TENM4: variants seen among roughly 807,000 people sequenced by gnomAD.
The protein encoded by TENM4 is teneurin transmembrane protein 4, also known as teneurin-4.
Under a neutral mutation model 243.3 loss-of-function variants are expected in TENM4, and 82 were observed. That is an observed-to-expected ratio of 0.34 (90% CI 0.28 to 0.40). The LOEUF (loss-of-function observed/expected upper bound fraction) is 0.40, where lower values mean the gene tolerates loss of function less well. TENM4 is among the 10% of genes least tolerant of loss of function. The probability of loss-of-function intolerance (pLI) is 1.00; values close to 1 mark genes in which losing one functional copy is unlikely to be tolerated. For missense variants in TENM4, 3,138 were observed against 3,673.3 expected, an observed-to-expected ratio of 0.85 and a Z score of 3.77; for synonymous variants, 1,412 against 1,456.3, an observed-to-expected ratio of 0.97 and a Z score of 0.69.
chr11:79,135,738 A>G (rs1591307027), intron 4 of TENM4, among the ~76,000 whole-genome samples: 1 of 137,924 alleles, frequency 7.3e-6, no homozygotes, highest in East Asian at 2.4e-4. Flanking sequence ...TATGATATAT[A>G]CATCATATAT....
At position 78,670,023 on chromosome 11, in the gene TENM4, A is replaced by T; in HGVS notation, c.6322T>A (p.Tyr2108Asn). The change falls in exon 32 of 34, where the codon TAT (tyrosine) becomes AAT (asparagine). Residue 2108 changes from tyrosine to asparagine, a missense_variant. By Grantham distance (143) the Tyr-to-Asn change is moderately radical (BLOSUM62 -2). This residue lies in a region of TENM4 where 2,467 missense variants were observed against 3,059.1 expected (regional missense o/e 0.81). Transcript: ENST00000278550. ...TTGCCTGACACATCATCATAGCGAT[A>T]GAGATCAATGGGCAGTGGGGTCTCG... ...INETPLPIDL[Y>N]RYDDVSGKTE... 1 of 1,613,956 alleles carries T rather than the reference A, an allele frequency of 6.2e-7. No homozygotes were observed. Among genetic ancestry groups the T allele is most frequent in the Non-Finnish European group, 8.5e-7 (1 of 1,179,866 alleles).
At chr11:79,053,217 A>C (rs146929231) in intron 6 of TENM4, among the ~76,000 whole-genome samples, 1 of 152,188 alleles carries the variant, frequency 6.6e-6, no homozygotes, top group South Asian at 2.1e-4. Flanking sequence ...TGACAAGTTC[A>C]TGGTTAGTTA....
intron 19 of TENM4, chr11:78,756,433 G>T (rs1402023712): frequency 8.4e-6 from 2 of 236,846 alleles, no homozygotes; most frequent in Admixed American, 5.2e-5. Context: ...AAGTCTTCTG[G>T]ATGTCTGCTT....
chr11:79,398,701 G>A (rs2135552177), intron 1 of TENM4, among the ~76,000 whole-genome samples: 1 of 143,482 alleles, frequency 7.0e-6, no homozygotes, highest in Admixed American at 7.1e-5. Context: ...TATATTTTGA[G>A]TACCTGGCCC....
intron 6 of TENM4, among the ~76,000 whole-genome samples, chr11:79,012,869 G>C (rs1391024555): frequency 6.6e-6 from 1 of 152,110 alleles, no homozygotes; most frequent in African/African-American, 2.4e-5. Context: ...CAGAAGGTGT[G>C]ATTGTTCTCA....
intron 1 of TENM4, among the ~76,000 whole-genome samples, chr11:79,425,988 G>A (rs1018436058): frequency 3.3e-5 from 5 of 152,168 alleles, no homozygotes; most frequent in African/African-American, 1.2e-4. Context: ...GCCAAAATGT[G>A]GGGGTCTTTC....
Position 78,722,626 on chromosome 11 carries a change from G to A in TENM4, c.3800+42C>T, listed in dbSNP as rs780183096. ...TGGCGGGGCCCAAAGGATGGCAAAG[G>A]CATATTATTAGGAACTATGAAGAAA... is the stretch of plus-strand genomic sequence containing the variant. On this transcript the variant is annotated intron_variant, in intron 24 of 33. Coordinates refer to ENST00000278550, the MANE Select transcript of TENM4 (RefSeq NM_001098816.3). The A allele has an allele frequency of 1.1e-5, 18 of 1,591,614 alleles. No individual in the cohort carries two copies. In the South Asian group the frequency reaches 1.8e-4, roughly 16 times the overall value.
At chr11:78,901,315 T>C (rs902894392) in intron 7 of TENM4, among the ~76,000 whole-genome samples, 1 of 152,214 alleles carries the variant, frequency 6.6e-6, no homozygotes, top group Non-Finnish European at 1.5e-5. Context: ...GCTTATTTCA[T>C]TGTCTAGCTG....
chr11:78,735,566 T>C (rs1422176640), intron 20 of TENM4, among the ~76,000 whole-genome samples: 1 of 152,152 alleles, frequency 6.6e-6, no homozygotes, highest in Non-Finnish European at 1.5e-5. Context: ...CTAGGCCCGC[T>C]CCTCTGGAGG....
chr11:78,754,550 C>T (rs1010623953), intron 19 of TENM4, among the ~76,000 whole-genome samples: 5 of 151,714 alleles, frequency 3.3e-5, no homozygotes, highest in South Asian at 2.1e-4. Context: ...TAATGGGCCC[C>T]GTAAAGAATG....
chr11:79,298,240 T>C (rs535182365), intron 1 of TENM4, among the ~76,000 whole-genome samples: 1 of 152,268 alleles, frequency 6.6e-6, no homozygotes, highest in Non-Finnish European at 1.5e-5. Context: ...TAGGTTCAGT[T>C]ACCTCATATG....
At chr11:78,756,726 C>CA in intron 19 of TENM4, 79 bp downstream of exon 19, 1 of 1,372,716 alleles carries the variant, frequency 7.3e-7, no homozygotes, top group Non-Finnish European at 1.0e-6. Context: ...CTCCCACCCC[C>CA]ATTCATCCAA....
intron 3 of TENM4, among the ~76,000 whole-genome samples, chr11:79,152,107 C>G: frequency 6.6e-6 from 1 of 152,156 alleles, no homozygotes; most frequent in South Asian, 2.1e-4. Context: ...CTCCACTCCT[C>G]AAAATTGAGG....
intron 1 of TENM4, among the ~76,000 whole-genome samples, chr11:79,354,938 T>A (rs1469326562): frequency 6.6e-6 from 1 of 152,244 alleles, no homozygotes; most frequent in Non-Finnish European, 1.5e-5. Context: ...TGATTTTATT[T>A]GATGTTGTGA....
intron 6 of TENM4, among the ~76,000 whole-genome samples, chr11:78,977,424 G>C (rs1014342964): frequency 6.6e-6 from 1 of 152,172 alleles, no homozygotes; most frequent in South Asian, 2.1e-4. Context: ...CACTATAAAA[G>C]TCCCCTTTTA....
chr11:78,864,963 C>T (rs549433865), intron 9 of TENM4, among the ~76,000 whole-genome samples: 64 of 152,262 alleles, frequency 4.2e-4, no homozygotes, highest in South Asian at 1.7e-3. Flanking sequence ...TAGAAGAACA[C>T]AGGGAAGGAT....
At chr11:79,132,862 G>T (rs774491723) in intron 4 of TENM4, among the ~76,000 whole-genome samples, 2 of 152,080 alleles carry the variant, frequency 1.3e-5, no homozygotes, top group East Asian at 3.9e-4. Flanking sequence ...TAAGAGGAAA[G>T]TTCATAGCCC....
chr11:78,869,190 T>C, intron 9 of TENM4, among the ~76,000 whole-genome samples: 1 of 150,460 alleles, frequency 6.6e-6, no homozygotes, highest in Non-Finnish European at 1.5e-5. Flanking sequence ...TTAGCTAACT[T>C]ATGGTACAGG....
intron 6 of TENM4, among the ~76,000 whole-genome samples, chr11:78,915,104 G>A (rs540944433): frequency 6.6e-6 from 1 of 152,322 alleles, no homozygotes; most frequent in African/African-American, 2.4e-5. Flanking sequence ...CTTTAAAAAG[G>A]TGCCAAGGTT....
Sources: gnomAD v4.1 joint callset for allele counts (sites outside exome capture counted in the v4.1 genomes callset) on GRCh38, gnomAD v4.1.1 for gene constraint, gnomAD v4.1.1 regional missense constraint, MANE v1.5 for transcripts, NCBI Gene and HGNC (gene_info 2026-07-23, HGNC 2026-07-21) for gene names.